KHDRBS2: variants seen among roughly 807,000 people sequenced by gnomAD.
KHDRBS2 encodes the protein KH RNA binding domain containing, signal transduction associated 2, also known as KH domain-containing, RNA-binding, signal transduction-associated protein 2.
KHDRBS2 carries 26 observed loss-of-function variants against 44.3 expected under a neutral mutation model. That is an observed-to-expected ratio of 0.59 (90% CI 0.43 to 0.81). The LOEUF is 0.81. Ranked by LOEUF, KHDRBS2 falls within the 40% of genes least tolerant of loss-of-function variation. The probability of loss-of-function intolerance (pLI) is 0.00; values close to 1 mark genes in which losing one functional copy is unlikely to be tolerated. For missense variants in KHDRBS2, 476 were observed against 433.1 expected (o/e 1.10, Z -0.88); for synonymous variants, 194 against 151.1 (o/e 1.28, Z -2.08).
the KHDRBS2 span, among the ~76,000 whole-genome samples, chr6:61,622,925 C>T: frequency 2.6e-5 from 4 of 151,570 alleles, no homozygotes; most frequent in African/African-American, 4.9e-5. Context: ...AATAATGGGA[C>T]CTAAAGAAAG....
At chr6:61,592,512 G>T in the KHDRBS2 span, among the ~76,000 whole-genome samples, 1 of 152,106 alleles carries the variant, frequency 6.6e-6, no homozygotes, top group South Asian at 2.1e-4. Flanking sequence ...CGATAAAGGG[G>T]CAGGCCTGAG....
chr6:61,791,868 A>T (rs1784688449), intron 6 of KHDRBS2, among the ~76,000 whole-genome samples: 1 of 151,430 alleles, frequency 6.6e-6, no homozygotes, highest in Non-Finnish European at 1.5e-5. Context: ...ACTTTATAAT[A>T]TTTGCCTTTT....
At chr6:62,095,487 T>C (rs558071325) in intron 2 of KHDRBS2, among the ~76,000 whole-genome samples, 1 of 151,984 alleles carries the variant, frequency 6.6e-6, no homozygotes, top group African/African-American at 2.4e-5. Flanking sequence ...ACATGTTCTA[T>C]GGTTGTGTAG....
intron 2 of KHDRBS2, among the ~76,000 whole-genome samples, chr6:62,079,920 T>C (rs775234003): frequency 9.9e-5 from 15 of 152,060 alleles, no homozygotes; most frequent in Non-Finnish European, 1.9e-4. Flanking sequence ...CTACAGACAT[T>C]CAAGCATGGA....
At chr6:62,142,764 G>T (rs553651970) in intron 2 of KHDRBS2, among the ~76,000 whole-genome samples, 1 of 151,634 alleles carries the variant, frequency 6.6e-6, no homozygotes, top group Non-Finnish European at 1.5e-5. Flanking sequence ...TCCTAAAAAT[G>T]ATCTTCATAT....
At chr6:62,071,134 T>C (rs998861005) in intron 2 of KHDRBS2, among the ~76,000 whole-genome samples, 2 of 152,218 alleles carry the variant, frequency 1.3e-5, no homozygotes, top group Non-Finnish European at 2.9e-5. Context: ...TGCATAAATG[T>C]CTTCTTTTGA....
At chr6:61,753,774 C>T (rs1778090014) in intron 6 of KHDRBS2, among the ~76,000 whole-genome samples, 1 of 152,056 alleles carries the variant, frequency 6.6e-6, no homozygotes, top group South Asian at 2.1e-4. Context: ...ACATCCCCAT[C>T]CCAGGAATCC....
chr6:62,173,981 T>C (rs1229641732), intron 2 of KHDRBS2, among the ~76,000 whole-genome samples: 2 of 151,560 alleles, frequency 1.3e-5, no homozygotes, highest in Non-Finnish European at 2.9e-5. Flanking sequence ...CTGGAAGCAC[T>C]CACCTTCAAA....
intron 6 of KHDRBS2, among the ~76,000 whole-genome samples, chr6:61,822,510 C>CT (rs1790087064): frequency 6.6e-6 from 1 of 151,946 alleles, no homozygotes; most frequent in African/African-American, 2.4e-5. Flanking sequence ...CCTTTTCAAT[C>CT]TTCTACTCTT....
chr6:61,577,878 AT>A, the KHDRBS2 span, among the ~76,000 whole-genome samples: 1 of 152,306 alleles, frequency 6.6e-6, no homozygotes, highest in South Asian at 2.1e-4. Context: ...GAATGAGAGC[AT>A]TTTCCTCCCA....
chr6:61,906,632 T>C (rs553072351), intron 4 of KHDRBS2, among the ~76,000 whole-genome samples: 1 of 152,310 alleles, frequency 6.6e-6, no homozygotes, highest in South Asian at 2.1e-4. Context: ...AGCTCTCACA[T>C]ATGAGTGAGG....
the KHDRBS2 span, among the ~76,000 whole-genome samples, chr6:61,627,760 C>A: frequency 1.3e-5 from 2 of 152,238 alleles, no homozygotes; most frequent in South Asian, 2.1e-4. Flanking sequence ...CTATGCATTT[C>A]TTTATTTGGT....
At chr6:61,702,709 A>G (rs1768886447) in intron 7 of KHDRBS2, among the ~76,000 whole-genome samples, 1 of 151,934 alleles carries the variant, frequency 6.6e-6, no homozygotes, top group African/African-American at 2.4e-5. Context: ...TTGGAACAGT[A>G]AAACAAAAAC....
chr6:62,034,729 A>T (rs988213079), intron 3 of KHDRBS2, among the ~76,000 whole-genome samples: 2 of 150,770 alleles, frequency 1.3e-5, no homozygotes. Context: ...TTTCTCCTCA[A>T]ATCAGGAAGA....
intron 2 of KHDRBS2, among the ~76,000 whole-genome samples, chr6:62,157,078 G>A (rs1277967694): frequency 6.6e-6 from 1 of 151,622 alleles, no homozygotes; most frequent in Non-Finnish European, 1.5e-5. Flanking sequence ...AATGAGGGCC[G>A]GGTGCGGTGG....
At chr6:61,652,964 G>A in the KHDRBS2 span, among the ~76,000 whole-genome samples, 4 of 152,092 alleles carry the variant, frequency 2.6e-5, no homozygotes, top group Admixed American at 2.6e-4. Flanking sequence ...AGAATAAACA[G>A]ATGCATGAGA....
intron 4 of KHDRBS2, among the ~76,000 whole-genome samples, chr6:61,907,621 A>G (rs746765812): frequency 2.0e-5 from 3 of 152,116 alleles, no homozygotes; most frequent in African/African-American, 4.8e-5. Context: ...ATTCTTCCTT[A>G]TATGGTTATC....
intron 1 of KHDRBS2, among the ~76,000 whole-genome samples, chr6:62,218,259 C>T (rs1455606471): frequency 6.6e-6 from 1 of 152,044 alleles, no homozygotes; most frequent in African/African-American, 2.4e-5. Context: ...AGCCTTAAAA[C>T]ACGATTAAAG....
chr6:62,066,616 A>T (rs1793791050), intron 2 of KHDRBS2, among the ~76,000 whole-genome samples: 1 of 151,654 alleles, frequency 6.6e-6, no homozygotes, highest in South Asian at 2.1e-4. Flanking sequence ...GAAGTTTTCC[A>T]TCTCTATATA....
Sources: allele counts gnomAD v4.1 joint callset (sites outside exome capture counted in the v4.1 genomes callset), GRCh38; gene constraint gnomAD v4.1.1; transcripts MANE v1.5; gene names NCBI Gene and HGNC (gene_info 2026-07-23, HGNC 2026-07-21).